PABPC4L: variants seen among roughly 807,000 people sequenced by gnomAD.
The protein encoded by PABPC4L is poly(A) binding protein cytoplasmic 4 like, also known as polyadenylate-binding protein 4-like.
For synonymous variants in PABPC4L, 169 were observed against 164.1 expected, an observed-to-expected ratio of 1.03 and a Z score of -0.23; for missense variants, 452 against 451.4, an observed-to-expected ratio of 1.00 and a Z score of -0.01.
At chr4:134,201,552 C>A (rs1228716696) in intron 1 of PABPC4L, among the ~76,000 whole-genome samples, 166 bp downstream of exon 1, 1 of 152,060 alleles carries the variant, frequency 6.6e-6, no homozygotes, top group East Asian at 2.0e-4. Flanking sequence ...GAGGCGCTGC[C>A]GGCAGCGACG....
the PABPC4L span, among the ~76,000 whole-genome samples, chr4:134,024,817 T>C: frequency 6.6e-6 from 1 of 151,534 alleles, no homozygotes; most frequent in South Asian, 2.1e-4. Flanking sequence ...CTAGCTTTTT[T>C]TTTTTTTTTG....
chr4:134,081,872 T>G, the PABPC4L span, among the ~76,000 whole-genome samples: 1 of 152,174 alleles, frequency 6.6e-6, no homozygotes, highest in Admixed American at 6.5e-5. Flanking sequence ...TGCTGAAATA[T>G]AATGCTTCTA....
the PABPC4L span, among the ~76,000 whole-genome samples, chr4:134,174,718 GTATT>G: frequency 1.3e-5 from 2 of 152,010 alleles, no homozygotes; most frequent in Admixed American, 6.6e-5. Flanking sequence ...ATCTACGTAA[GTATT>G]CATTATTGTT....
the PABPC4L span, among the ~76,000 whole-genome samples, chr4:134,064,901 A>G: frequency 6.6e-6 from 1 of 152,122 alleles, no homozygotes; most frequent in African/African-American, 2.4e-5. Flanking sequence ...CTCCAGTTGC[A>G]TCCATGTTGC....
the PABPC4L span, among the ~76,000 whole-genome samples, chr4:134,013,102 C>A: frequency 1.3e-5 from 2 of 152,096 alleles, no homozygotes; most frequent in African/African-American, 4.8e-5. Flanking sequence ...TGGGGAGAGG[C>A]AAGAACCCCA....
the PABPC4L span, among the ~76,000 whole-genome samples, chr4:134,184,881 A>G: frequency 4.7e-5 from 7 of 149,536 alleles, no homozygotes; most frequent in African/African-American, 1.7e-4. Flanking sequence ...GATTTTGGCT[A>G]TTCTAATAAG....
chr4:133,959,907 A>G, the PABPC4L span, among the ~76,000 whole-genome samples: 1 of 152,230 alleles, frequency 6.6e-6, no homozygotes, highest in African/African-American at 2.4e-5. Context: ...TGGCTGACGT[A>G]TTTAAAATGT....
chr4:134,175,003 A>ATG, the PABPC4L span, among the ~76,000 whole-genome samples: 1 of 152,076 alleles, frequency 6.6e-6, no homozygotes, highest in Non-Finnish European at 1.5e-5. Context: ...TTTTATGGCC[A>ATG]TGTGTTTAAT....
At chr4:134,135,700 G>A in the PABPC4L span, among the ~76,000 whole-genome samples, 1 of 152,100 alleles carries the variant, frequency 6.6e-6, no homozygotes, top group South Asian at 2.1e-4. Flanking sequence ...GGGCATGGTG[G>A]CACATGCCTA....
chr4:134,184,660 G>A, the PABPC4L span, among the ~76,000 whole-genome samples: 2 of 151,906 alleles, frequency 1.3e-5, no homozygotes, highest in African/African-American at 4.8e-5. Flanking sequence ...CCTACTGAAG[G>A]GCACCTTGGT....
At chr4:134,142,724 A>G in the PABPC4L span, among the ~76,000 whole-genome samples, 1 of 151,564 alleles carries the variant, frequency 6.6e-6, no homozygotes, top group Non-Finnish European at 1.5e-5. Flanking sequence ...GACTTAGAAG[A>G]AGGAATTTAG....
chr4:134,086,132 C>A, the PABPC4L span, among the ~76,000 whole-genome samples: 1 of 146,470 alleles, frequency 6.8e-6, no homozygotes, highest in Admixed American at 6.9e-5. Context: ...CTGGGGGGTT[C>A]TTTTTTCTTT....
the PABPC4L span, among the ~76,000 whole-genome samples, chr4:134,148,543 G>C: frequency 6.6e-6 from 1 of 152,082 alleles, no homozygotes; most frequent in Non-Finnish European, 1.5e-5. Flanking sequence ...TACTTTCCCA[G>C]TGTGACAAAT....
the PABPC4L span, among the ~76,000 whole-genome samples, chr4:133,951,662 T>G: frequency 2.6e-5 from 4 of 152,048 alleles, no homozygotes; most frequent in Non-Finnish European, 5.9e-5. Context: ...ATATGAAACA[T>G]TTTTTCTAAA....
chr4:134,053,297 T>C, the PABPC4L span, among the ~76,000 whole-genome samples: 6 of 152,156 alleles, frequency 3.9e-5, no homozygotes, highest in Non-Finnish European at 7.4e-5. Flanking sequence ...ATTGATTTGA[T>C]TATTCATGTT....
At chr4:134,123,179 G>T in the PABPC4L span, among the ~76,000 whole-genome samples, 1 of 151,926 alleles carries the variant, frequency 6.6e-6, no homozygotes, top group Admixed American at 6.6e-5. Context: ...TAACATTAAA[G>T]TTCATGGCCC....
At chr4:133,956,791 G>A in the PABPC4L span, among the ~76,000 whole-genome samples, 1 of 152,182 alleles carries the variant, frequency 6.6e-6, no homozygotes, top group South Asian at 2.1e-4. Flanking sequence ...AGGGAAGAAA[G>A]GCACCTTCTT....
At chr4:133,954,946 G>C in the PABPC4L span, among the ~76,000 whole-genome samples, 4 of 152,068 alleles carry the variant, frequency 2.6e-5, no homozygotes, top group African/African-American at 7.2e-5. Flanking sequence ...TACCCAAACT[G>C]CATCAAATTC....
chr4:134,193,668 C>T (rs926745193), downstream of PABPC4L, among the ~76,000 whole-genome samples: 9 of 151,852 alleles, frequency 5.9e-5, no homozygotes, highest in Non-Finnish European at 1.3e-4. Flanking sequence ...TTAATCTAGT[C>T]TGGTTTGGAT....
Sources: gnomAD v4.1 joint callset for allele counts (sites outside exome capture counted in the v4.1 genomes callset) on GRCh38, gnomAD v4.1.1 for gene constraint, MANE v1.5 for transcripts, NCBI Gene and HGNC (gene_info 2026-07-23, HGNC 2026-07-21) for gene names.